The following TSR1 variants were observed in gnomAD, a reference collection of about 807,000 sequenced individuals.
TSR1 encodes pre-rRNA-processing protein TSR1 homolog.
Under a neutral mutation model 90.9 loss-of-function variants are expected in TSR1, and 81 were observed. The ratio of observed to expected loss-of-function variants is 0.89; its 90% CI spans 0.74 to 1.07. The LOEUF is 1.07. TSR1 is among the 50% of genes least tolerant of loss of function. The pLI, the probability that TSR1 is intolerant of heterozygous loss-of-function variation, is 0.00. For missense variants in TSR1, 989 were observed against 987.3 expected (o/e 1.00, Z -0.02); for synonymous variants, 362 against 348.8 (o/e 1.04, Z -0.42).
intron 8 of TSR1, 59 bp from the exon 9 acceptor site, chr17:2,331,168 T>A: frequency 1.5e-6 from 2 of 1,364,006 alleles, no homozygotes; most frequent in Non-Finnish European, 1.9e-6. Context: ...CTATATAGAC[T>A]CAAGTCACTG....
In TSR1 at chr17:2,323,703, A is replaced by G. The variant is rs1248436871; in HGVS notation, c.*493T>C. ...GAGGATGAAACTACTCATTGAACCT[A>G]CAGCTGGTGTTGGAGTGGCTGCTGT... is the stretch of plus-strand genomic sequence containing the variant. On this transcript the variant is annotated 3_prime_UTR_variant, in exon 15 of 15. Coordinates refer to ENST00000301364, the MANE Select transcript of TSR1 (RefSeq NM_018128.5). 1 of 1,614,168 alleles carries G rather than the reference A, an allele frequency of 6.2e-7. No individual in the cohort carries two copies. Among genetic ancestry groups the G allele is most frequent in the East Asian group, 2.2e-5 (1 of 44,888 alleles).
chr17:2,323,713 T>C lies in TSR1; in HGVS notation c.*483A>G, dbSNP rs1182750670. The stretch of plus-strand genomic sequence containing the variant: ...CTACTCATTGAACCTACAGCTGGTG[T>C]TGGAGTGGCTGCTGTGCTGTCTCAA... On this transcript the variant is annotated 3_prime_UTR_variant, in exon 15 of 15. Transcript: ENST00000301364. The C allele has an allele frequency of 1.2e-6, 2 of 1,614,188 alleles. No individual in the cohort carries two copies. Among genetic ancestry groups the C allele is most frequent in the South Asian group, 1.1e-5 (1 of 91,086 alleles).
At position 2,323,378 on chromosome 17, in the gene TSR1, C is replaced by A. The variant is rs755416056; in HGVS notation, c.*818G>T. ...TCCAGCAAGAAAAGAAATAGCAAAG[C>A]ATGGTGTAACTTCTTAGGCAGAAGA... On this transcript the variant is annotated 3_prime_UTR_variant, in exon 15 of 15. Transcript: ENST00000301364. 3 of 1,611,348 alleles carry A rather than the reference C, an allele frequency of 1.9e-6. No homozygotes were observed. The highest frequency in any genetic ancestry group is 1.7e-5 in the Admixed American group (1 of 59,986).
chr17:2,325,310 T>G lies in TSR1; in HGVS notation c.2014A>C (p.Ser672Arg). The G allele has an allele frequency of 3.7e-6, 6 of 1,610,680 alleles. No individual in the cohort carries two copies. The highest frequency in any genetic ancestry group is 4.2e-6 in the Non-Finnish European group (5 of 1,178,920). ...PASVLLFKQKSNGMHSLIATG... is the reference protein window; with the variant it reads ...PASVLLFKQKRNGMHSLIATG... ...TCTCTGTGGCTCAACTTACCATTGC[T>G]TTTTTGCTTGAAAAGCAGCACAGAT... is the stretch of plus-strand genomic sequence containing the variant. The change falls in exon 12 of 15, where the codon AGC (serine) becomes CGC (arginine). Residue 672 changes from serine to arginine, a missense_variant. By Grantham distance (110) the Ser-to-Arg change is moderately radical. Coordinates refer to ENST00000301364, the MANE Select transcript of TSR1 (RefSeq NM_018128.5).
intron 7 of TSR1, 63 bp from the exon 8 acceptor site, chr17:2,332,422 A>G: frequency 1.5e-6 from 2 of 1,373,916 alleles, no homozygotes; most frequent in South Asian, 1.4e-5. Flanking sequence ...CCAAAGGCCA[A>G]TAAGCTAAGA....
At chr17:2,328,833 G>A (rs1397676220) in intron 11 of TSR1, among the ~76,000 whole-genome samples, 2 of 136,946 alleles carry the variant, frequency 1.5e-5, no homozygotes, top group African/African-American at 5.4e-5. Context: ...GGAAAATGGT[G>A]TAAGTAAACC....
rs571686203 is a variant in TSR1 at position 2,322,658 on chromosome 17, G to A, written c.*1538C>T. 1 of 152,432 alleles carries A rather than the reference G, an allele frequency of 6.6e-6. No homozygotes were observed. The highest frequency in any genetic ancestry group is 2.0e-4 in the East Asian group (1 of 5,104). The allele number at this position is 152,432 out of a possible 1,614,324, so 9.4% of individuals were successfully genotyped here. A position where few individuals can be genotyped will look rare whatever the true frequency, so the allele number is the denominator to read the frequency against. ...TGGGACTACAGGTGCCTGCCACCAT[G>A]CCTGGCTAGTTTTTTTTTGTTTTTT... On this transcript the variant is annotated 3_prime_UTR_variant, in exon 15 of 15. Transcript: ENST00000301364.
intron 11 of TSR1, among the ~76,000 whole-genome samples, chr17:2,326,046 G>A (rs894869552): frequency 6.6e-6 from 1 of 152,042 alleles, no homozygotes; most frequent in Non-Finnish European, 1.5e-5. Context: ...TCTGCCTCAG[G>A]CTCCCGAATA....
chr17:2,336,218 G>T, intron 1 of TSR1, 78 bp from the exon 2 acceptor site: 2 of 1,600,252 alleles, frequency 1.2e-6, no homozygotes, highest in Non-Finnish European at 1.7e-6. Flanking sequence ...GCCCACCTTA[G>T]AAAGGGCCTT....
At chr17:2,330,012 T>C (rs1329864121) in intron 10 of TSR1, among the ~76,000 whole-genome samples, 3 of 152,058 alleles carry the variant, frequency 2.0e-5, no homozygotes, top group Admixed American at 2.0e-4. Flanking sequence ...CTCCGCCTAC[T>C]GGGTTCAAGC....
At chr17:2,333,477 T>A (rs2064022250) in intron 6 of TSR1, 80 bp downstream of exon 6, 1 of 1,571,980 alleles carries the variant, frequency 6.4e-7, no homozygotes, top group African/African-American at 1.3e-5. Context: ...CTCTATCCTA[T>A]AGGGCCCTCA....
intron 2 of TSR1, 59 bp from the exon 3 acceptor site, chr17:2,335,789 G>C: frequency 6.5e-7 from 1 of 1,542,288 alleles, no homozygotes; most frequent in Non-Finnish European, 8.8e-7. Flanking sequence ...CTCCAGCATT[G>C]CATTTCCACT....
At chr17:2,334,062 T>C (rs2064026754) in intron 5 of TSR1, among the ~76,000 whole-genome samples, 1 of 152,178 alleles carries the variant, frequency 6.6e-6, no homozygotes, top group Admixed American at 6.5e-5. Context: ...TTTATCCCTC[T>C]TCAACTCATA....
intron 7 of TSR1, 23 bp downstream of exon 7, chr17:2,332,938 G>C: frequency 1.2e-6 from 2 of 1,609,082 alleles, no homozygotes; most frequent in Non-Finnish European, 1.7e-6. Flanking sequence ...ACACAGAATT[G>C]GCCTAAGGCC....
intron 11 of TSR1, among the ~76,000 whole-genome samples, chr17:2,327,626 T>C (rs1054446344): frequency 6.6e-6 from 1 of 152,146 alleles, no homozygotes; most frequent in Non-Finnish European, 1.5e-5. Context: ...TGCTCACCCG[T>C]AGAAGCTCAA....
chr17:2,330,291 A>C (rs765029140), intron 10 of TSR1: 2 of 669,752 alleles, frequency 3.0e-6, no homozygotes, highest in Non-Finnish European at 5.6e-6. Context: ...GAGAAGTCTC[A>C]GAACCACACA....
At chr17:2,330,304 G>C (rs368063659) in intron 10 of TSR1, 1 of 690,880 alleles carries the variant, frequency 1.4e-6, no homozygotes, top group Non-Finnish European at 2.7e-6. Context: ...ACCACACAGA[G>C]ATTGCATCAC....
In TSR1 at chr17:2,335,631, G is replaced by T; in HGVS notation, c.301C>A (p.Gln101Lys). Residue 101 changes from glutamine to lysine, a missense_variant, in exon 3 of 15, where the codon CAG (glutamine) becomes AAG (lysine). Coordinates refer to ENST00000301364, the MANE Select transcript of TSR1 (RefSeq NM_018128.5). ...CCAGTGTCCCTATCTTGAAGCAGCT[G>T]CATGGCCTCTGGCAGGGAAATTCTG... ...HSRISLPEAM[Q>K]LLQDRDTGTV... is the part of the protein sequence containing the mutation. 1 of 1,614,174 alleles carries T rather than the reference G, an allele frequency of 6.2e-7. No individual in the cohort carries two copies. Among genetic ancestry groups the T allele is most frequent in the Non-Finnish European group, 8.5e-7 (1 of 1,180,030 alleles).
Position 2,324,003 on chromosome 17 carries a change from T to G in TSR1, c.*193A>C. Reference sequence around the variant, plus strand: ...GCTATTTCATTAAGATTTAATAGTTTTTTTTGGACTAAGTAGTGGAAAAAC... The same window carrying G: ...GCTATTTCATTAAGATTTAATAGTTGTTTTTGGACTAAGTAGTGGAAAAAC... On this transcript the variant is annotated 3_prime_UTR_variant, in exon 15 of 15. Transcript: ENST00000301364. 1 of 1,158,272 alleles carries G rather than the reference T, an allele frequency of 8.6e-7. No homozygotes were observed. The highest frequency in any genetic ancestry group is 1.6e-5 in the South Asian group (1 of 63,134). The allele number at this position is 1,158,272 out of a possible 1,614,324, so 71.7% of individuals were successfully genotyped here.
Sources: gnomAD v4.1 joint callset for allele counts (sites outside exome capture counted in the v4.1 genomes callset) on GRCh38, gnomAD v4.1.1 for gene constraint, MANE v1.5 for transcripts, NCBI Gene and HGNC (gene_info 2026-07-23, HGNC 2026-07-21) for gene names.